Variants in GNB4 observed in about 807,000 individuals in gnomAD.
GNB4 encodes guanine nucleotide-binding protein subunit beta-4.
A neutral mutation model predicts 45.2 loss-of-function variants in GNB4; 28 were observed. The observed-to-expected ratio is 0.62, with a 90% CI of 0.46 to 0.85. The LOEUF is 0.85. Among genes scored for constraint, GNB4 ranks in the 40% least tolerant of loss-of-function variants. The probability of loss-of-function intolerance (pLI) is 0.00; values close to 1 mark genes in which losing one functional copy is unlikely to be tolerated. For synonymous variants in GNB4, 132 were observed against 143.7 expected, an observed-to-expected ratio of 0.92 and a Z score of 0.58; for missense variants, 321 against 425.4, an observed-to-expected ratio of 0.75 and a Z score of 2.16.
At chr3:179,442,286 T>C (rs896471087) in intron 1 of GNB4, among the ~76,000 whole-genome samples, 1 of 152,236 alleles carries the variant, frequency 6.6e-6, no homozygotes, top group African/African-American at 2.4e-5. Flanking sequence ...CTATTGTCCA[T>C]GAATTCATTG....
At chr3:179,514,221 T>A in the GNB4 span, among the ~76,000 whole-genome samples, 1 of 152,150 alleles carries the variant, frequency 6.6e-6, no homozygotes, top group African/African-American at 2.4e-5. Context: ...CAGAAGAAGC[T>A]GCATTTAGGC....
chr3:179,434,773 G>C (rs1715401225), intron 1 of GNB4, among the ~76,000 whole-genome samples: 1 of 151,700 alleles, frequency 6.6e-6, no homozygotes, highest in Non-Finnish European at 1.5e-5. Flanking sequence ...GCTGGATGCA[G>C]TGGAGTGGTG....
chr3:179,523,291 G>A, the GNB4 span, among the ~76,000 whole-genome samples: 9 of 152,116 alleles, frequency 5.9e-5, no homozygotes, highest in African/African-American at 1.4e-4. Flanking sequence ...GAAGCCTTGC[G>A]GCAGTACAGC....
chr3:179,446,311 T>C (rs1559983077), intron 1 of GNB4, among the ~76,000 whole-genome samples: 1 of 152,228 alleles, frequency 6.6e-6, no homozygotes, highest in Non-Finnish European at 1.5e-5. Flanking sequence ...AACCGACACA[T>C]GGTAGTCAAT....
chr3:179,423,912 A>G (rs1042182451), intron 2 of GNB4, among the ~76,000 whole-genome samples: 1 of 152,212 alleles, frequency 6.6e-6, no homozygotes, highest in Admixed American at 6.5e-5. Flanking sequence ...ACAATTTGAT[A>G]AAAGGTAACA....
At chr3:179,479,331 A>G in the GNB4 span, among the ~76,000 whole-genome samples, 6 of 152,126 alleles carry the variant, frequency 3.9e-5, no homozygotes, top group Non-Finnish European at 8.8e-5. Context: ...ATCTTCTCCC[A>G]ACATGTTTTC....
the GNB4 span, among the ~76,000 whole-genome samples, chr3:179,515,966 A>G: frequency 1.3e-5 from 2 of 152,220 alleles, no homozygotes; most frequent in Admixed American, 1.3e-4. Flanking sequence ...GTATGAATTG[A>G]GAAACTAAAT....
chr3:179,488,984 CAAAAAAAAAAAAAAAAAAAAA>C, the GNB4 span, among the ~76,000 whole-genome samples: 52 of 18,662 alleles, frequency 2.8e-3, no homozygotes, highest in East Asian at 0.012. Context: ...ATCCTGTATC[CAAAAAAAAAAAAAAAAAAAAA>C]AAAAAAAAAA....
chr3:179,458,881 C>A, the GNB4 span, among the ~76,000 whole-genome samples: 1 of 152,100 alleles, frequency 6.6e-6, no homozygotes, highest in Non-Finnish European at 1.5e-5. Context: ...AGGAACAGTG[C>A]AGAATTGAGA....
the GNB4 span, among the ~76,000 whole-genome samples, chr3:179,469,766 A>T: frequency 8.9e-4 from 135 of 152,306 alleles, no homozygotes; most frequent in African/African-American, 3.1e-3. Flanking sequence ...ACTCATTTGA[A>T]TTTCTCTAGC....
the GNB4 span, among the ~76,000 whole-genome samples, chr3:179,483,594 T>C: frequency 6.6e-6 from 1 of 152,164 alleles, no homozygotes; most frequent in African/African-American, 2.4e-5. Context: ...GACTATATAG[T>C]AGATTTACTT....
At chr3:179,497,037 A>C in the GNB4 span, among the ~76,000 whole-genome samples, 1 of 152,082 alleles carries the variant, frequency 6.6e-6, no homozygotes, top group African/African-American at 2.4e-5. Context: ...ATTTGGGATT[A>C]ATTTTTTCTT....
At chr3:179,481,978 A>G in the GNB4 span, among the ~76,000 whole-genome samples, 1 of 152,040 alleles carries the variant, frequency 6.6e-6, no homozygotes, top group South Asian at 2.1e-4. Context: ...TCACAGCTCA[A>G]TATAGCATCT....
chr3:179,406,926 T>G (rs1249144658), intron 8 of GNB4, among the ~76,000 whole-genome samples: 1 of 152,168 alleles, frequency 6.6e-6, no homozygotes, highest in Non-Finnish European at 1.5e-5. Flanking sequence ...CTCTTTTAAT[T>G]ACTTTTTAAA....
chr3:179,523,323 A>G, the GNB4 span, among the ~76,000 whole-genome samples: 16 of 152,282 alleles, frequency 1.1e-4, 2 homozygotes, highest in East Asian at 1.9e-4. Flanking sequence ...GCTGAGCCTG[A>G]TGGGTGTCAG....
Position 179,414,931 on chromosome 3 carries a change from G to T in GNB4, c.384C>A (p.Thr128=). ...DNICSIYNLK[T]REGNVRVSRE... The stretch of plus-strand genomic sequence containing the variant: ...GGCTTACTCTCACATTTCCCTCTCT[G>T]GTCTTTAAGTTATATATAGAGCAGA... Residue 128 remains threonine, a synonymous_variant, in exon 6 of 10, where the codon ACC becomes ACA. Transcript: ENST00000232564. The T allele has an allele frequency of 6.2e-7, 1 of 1,605,606 alleles. No homozygotes were observed. The highest frequency in any genetic ancestry group is 8.5e-7 in the Non-Finnish European group (1 of 1,174,098).
chr3:179,465,195 C>A, the GNB4 span: 2 of 1,320,690 alleles, frequency 1.5e-6, no homozygotes, highest in African/African-American at 1.4e-5. Context: ...GATCCTGTAA[C>A]TGCCAAACTG....
At chr3:179,467,217 T>G in the GNB4 span, among the ~76,000 whole-genome samples, 3 of 152,144 alleles carry the variant, frequency 2.0e-5, no homozygotes, top group Admixed American at 2.0e-4. Context: ...CTCACTATGT[T>G]GCCCAGGCTG....
the GNB4 span, among the ~76,000 whole-genome samples, chr3:179,520,318 C>A: frequency 6.6e-6 from 1 of 152,094 alleles, no homozygotes; most frequent in African/African-American, 2.4e-5. Flanking sequence ...CACACGTGCT[C>A]TCCCTGCTGA....
Sources: gnomAD v4.1 joint callset for allele counts (sites outside exome capture counted in the v4.1 genomes callset) on GRCh38, gnomAD v4.1.1 for gene constraint, MANE v1.5 for transcripts, NCBI Gene and HGNC (gene_info 2026-07-23, HGNC 2026-07-21) for gene names.